TANGO6: variants seen among roughly 807,000 people sequenced by gnomAD.
TANGO6 encodes the protein transport and golgi organization 6 homolog, also known as transport and Golgi organization protein 6 homolog.
In TANGO6, 90 loss-of-function variants were observed where a neutral mutation model predicts 114.2. That is an observed-to-expected ratio of 0.79 (90% CI 0.66 to 0.94). The LOEUF (loss-of-function observed/expected upper bound fraction) is 0.94. Among genes scored for constraint, TANGO6 ranks in the 40% least tolerant of loss-of-function variants. The pLI is 0.00. For synonymous variants in TANGO6, 477 were observed against 509.8 expected, an observed-to-expected ratio of 0.94 and a Z score of 0.87; for missense variants, 1,274 against 1,315.3, an observed-to-expected ratio of 0.97 and a Z score of 0.49.
intron 1 of TANGO6, among the ~76,000 whole-genome samples, chr16:68,848,937 C>G (rs924640143): frequency 1.3e-5 from 2 of 151,970 alleles, no homozygotes; most frequent in Non-Finnish European, 2.9e-5. Context: ...CAGAAGATAT[C>G]CCAGGCTCAT....
At chr16:68,857,641 G>A (rs1234128192) in intron 1 of TANGO6, among the ~76,000 whole-genome samples, 1 of 152,158 alleles carries the variant, frequency 6.6e-6, no homozygotes, top group Non-Finnish European at 1.5e-5. Context: ...CACCAGCAAT[G>A]AATGAGAGTT....
chr16:68,996,118 A>G (rs1279931692), intron 15 of TANGO6, among the ~76,000 whole-genome samples: 1 of 152,208 alleles, frequency 6.6e-6, no homozygotes, highest in Non-Finnish European at 1.5e-5. Context: ...GAGGAGGGAA[A>G]CTGAAGTCAG....
At chr16:68,920,600 C>A (rs1222833217) in intron 12 of TANGO6, among the ~76,000 whole-genome samples, 1 of 152,068 alleles carries the variant, frequency 6.6e-6, no homozygotes, top group African/African-American at 2.4e-5. Context: ...GCTCATAACC[C>A]TTAGCAATGA....
At chr16:68,993,433 A>G (rs954606075) in intron 15 of TANGO6, among the ~76,000 whole-genome samples, 2 of 152,240 alleles carry the variant, frequency 1.3e-5, no homozygotes, top group Admixed American at 6.5e-5. Flanking sequence ...AAGTTTTGAA[A>G]TAGATTTTTG....
chr16:69,040,476 C>G, intron 17 of TANGO6, 55 bp downstream of exon 17: 1 of 1,430,152 alleles, frequency 7.0e-7, no homozygotes, highest in Non-Finnish European at 9.6e-7. Flanking sequence ...TTGTCTATTT[C>G]TCAATCTTCC....
At position 68,860,316 on chromosome 16, in the gene TANGO6, G is replaced by A. The variant is rs1482022390; in HGVS notation, c.527G>A (p.Gly176Asp). The A allele has an allele frequency of 6.2e-7, 1 of 1,613,950 alleles. No individual in the cohort carries two copies. Among genetic ancestry groups the A allele is most frequent in the Admixed American group, 1.7e-5 (1 of 60,000 alleles). ...CCTTTGAGATATAGAACTGAATTTG[G>A]TGCCGTCGTTCAAGACGTGGTGTGT... The part of the protein sequence containing the change: ...GVPLRYRTEF[G>D]AVVQDVVCFD... Residue 176 changes from glycine (G) to aspartate (D), a missense_variant, in exon 2 of 18, where the codon GGT becomes GAT. By Grantham distance (94) the Gly-to-Asp change is moderately conservative. Transcript: ENST00000261778.
At chr16:68,861,518 G>A (rs1002657972) in intron 2 of TANGO6, among the ~76,000 whole-genome samples, 4 of 152,156 alleles carry the variant, frequency 2.6e-5, no homozygotes, top group Admixed American at 6.6e-5. Context: ...AGGGTTATGC[G>A]TATTGACACT....
intron 14 of TANGO6, among the ~76,000 whole-genome samples, chr16:68,934,069 G>A (rs1963275397): frequency 6.7e-6 from 1 of 149,482 alleles, no homozygotes; most frequent in Non-Finnish European, 1.5e-5. Context: ...TAGAGACAGA[G>A]TCTTGCTCTG....
At chr16:69,029,812 A>G (rs1484221154) in intron 16 of TANGO6, among the ~76,000 whole-genome samples, 1 of 152,144 alleles carries the variant, frequency 6.6e-6, no homozygotes, top group East Asian at 1.9e-4. Context: ...AGCATCAAGG[A>G]AATAAGAAGA....
Position 69,045,528 on chromosome 16 carries a change from G to A in TANGO6, c.3108+5107G>A, listed in dbSNP as rs1567565052. On this transcript the variant is annotated intron_variant, in intron 17 of 17. Coordinates refer to ENST00000261778, the MANE Select transcript of TANGO6 (RefSeq NM_024562.2). ...GAAGGCCAAGGCGGGCGGATCACGAGTTCAGGAGTTTGAGACCAACCTGGC... is the reference window on the plus strand; with the variant it reads ...GAAGGCCAAGGCGGGCGGATCACGAATTCAGGAGTTTGAGACCAACCTGGC... Among the ~76,000 whole-genome samples the A allele has an allele frequency of 2.0e-5, 3 of 151,190 alleles. No individual in the cohort carries two copies. The South Asian group carries it at 6.2e-4, about 31-fold the overall frequency.
intron 16 of TANGO6, among the ~76,000 whole-genome samples, chr16:69,038,455 C>A (rs1428602482): frequency 1.3e-5 from 2 of 151,816 alleles, no homozygotes; most frequent in Non-Finnish European, 2.9e-5. Context: ...ATATGAGAGA[C>A]CAGTTGAATA....
chr16:68,939,468 G>A (rs1193264165), intron 14 of TANGO6, among the ~76,000 whole-genome samples: 1 of 152,076 alleles, frequency 6.6e-6, no homozygotes, highest in East Asian at 1.9e-4. Context: ...TGACTTGCTT[G>A]CATTAAACAG....
At chr16:68,846,761 T>G (rs1194170147) in intron 1 of TANGO6, 2 of 155,924 alleles carry the variant, frequency 1.3e-5, no homozygotes, top group East Asian at 3.9e-4. Flanking sequence ...CGCCTCGGCC[T>G]CCCGAAGTGC....
chr16:68,919,584 A>G (rs1427178565), intron 12 of TANGO6, among the ~76,000 whole-genome samples: 2 of 152,258 alleles, frequency 1.3e-5, no homozygotes, highest in East Asian at 1.9e-4. Context: ...AAAGTCCTCA[A>G]CTGGTTGCAT....
chr16:69,068,766 T>G (rs1960254685), intron 17 of TANGO6, among the ~76,000 whole-genome samples: 1 of 152,164 alleles, frequency 6.6e-6, no homozygotes, highest in South Asian at 2.1e-4. Flanking sequence ...CAGGCTGGAG[T>G]GCGGTGACGC....
intron 9 of TANGO6, 100 bp downstream of exon 9, chr16:68,902,604 A>G: frequency 8.8e-7 from 1 of 1,131,322 alleles, no homozygotes; most frequent in Non-Finnish European, 1.2e-6. Context: ...AAAAGAAACC[A>G]GAAACTCAAG....
chr16:69,046,063 C>CAAAAAAAA (rs61017260), intron 17 of TANGO6, among the ~76,000 whole-genome samples: 21 of 95,838 alleles, frequency 2.2e-4, no homozygotes, highest in East Asian at 6.2e-4. Context: ...GACTCCAACT[C>CAAAAAAAA]AAAAAAAAAA....
chr16:69,076,393 C>T (rs538743764), intron 17 of TANGO6, among the ~76,000 whole-genome samples: 10 of 152,180 alleles, frequency 6.6e-5, no homozygotes, highest in Admixed American at 3.9e-4. Context: ...TGCCCAGCCT[C>T]ATTTCTTGAT....
At chr16:68,974,229 A>G (rs1963738975) in intron 15 of TANGO6, 61 bp downstream of exon 15, 1 of 1,600,706 alleles carries the variant, frequency 6.2e-7, no homozygotes, top group Admixed American at 1.7e-5. Flanking sequence ...CTTTGAAACC[A>G]AAATGTGTGT....
Sources: gnomAD v4.1 joint callset for allele counts (sites outside exome capture counted in the v4.1 genomes callset) on GRCh38, gnomAD v4.1.1 for gene constraint, MANE v1.5 for transcripts, NCBI Gene and HGNC (gene_info 2026-07-23, HGNC 2026-07-21) for gene names.